Variants in NR6A1 observed in about 807,000 individuals in gnomAD.
NR6A1 encodes the protein retinoic acid receptor-related testis-associated receptor.
Under a neutral mutation model 59.1 loss-of-function variants are expected in NR6A1, and 7 were observed. The observed-to-expected ratio is 0.12, with a 90% CI of 0.07 to 0.22. The LOEUF is 0.22. Ranked by LOEUF, NR6A1 falls within the 10% of genes least tolerant of loss-of-function variation. NR6A1 has a pLI of 1.00. For synonymous variants in NR6A1, 243 were observed against 236.1 expected, an observed-to-expected ratio of 1.03 and a Z score of -0.27; for missense variants, 468 against 611.6, an observed-to-expected ratio of 0.77 and a Z score of 2.48.
intron 2 of NR6A1, among the ~76,000 whole-genome samples, chr9:124,660,157 G>C (rs1385370264): frequency 6.6e-6 from 1 of 152,162 alleles, no homozygotes; most frequent in Non-Finnish European, 1.5e-5. Context: ...ACTTTAAAGA[G>C]AAAATAACAG....
intron 1 of NR6A1, among the ~76,000 whole-genome samples, chr9:124,765,163 C>T (rs898571779): frequency 2.6e-5 from 4 of 152,050 alleles, no homozygotes; most frequent in Non-Finnish European, 4.4e-5. Flanking sequence ...CGTAAGAATC[C>T]GTGATTCTGT....
At chr9:124,600,816 C>T (rs1835424247) in intron 2 of NR6A1, among the ~76,000 whole-genome samples, 1 of 152,036 alleles carries the variant, frequency 6.6e-6, no homozygotes, top group South Asian at 2.1e-4. Flanking sequence ...TTGGGCTGAA[C>T]CTTGAAGTTC....
chr9:124,601,067 G>A (rs956697508), intron 2 of NR6A1, among the ~76,000 whole-genome samples: 22 of 151,418 alleles, frequency 1.5e-4, no homozygotes, highest in Non-Finnish European at 2.4e-4. Flanking sequence ...CCTGAGGTCA[G>A]AAGTTCAAAA....
intron 7 of NR6A1, 150 bp from the exon 8 acceptor site, chr9:124,527,050 C>G: frequency 1.1e-6 from 1 of 936,052 alleles, no homozygotes; most frequent in Non-Finnish European, 1.6e-6. Flanking sequence ...CAGATCCATG[C>G]TTTGTCTACA....
chr9:124,579,988 C>T (rs569250231), intron 2 of NR6A1, among the ~76,000 whole-genome samples: 2 of 152,260 alleles, frequency 1.3e-5, no homozygotes, highest in South Asian at 4.1e-4. Flanking sequence ...CCAGCCTGGA[C>T]AACAAGAACT....
chr9:124,631,636 C>T (rs957115348), intron 2 of NR6A1, among the ~76,000 whole-genome samples: 19 of 152,282 alleles, frequency 1.2e-4, no homozygotes, highest in African/African-American at 4.6e-4. Flanking sequence ...AAAATCTATT[C>T]AATTCCAGCA....
chr9:124,537,243 C>T (rs755462414), intron 6 of NR6A1, among the ~76,000 whole-genome samples: 5 of 152,164 alleles, frequency 3.3e-5, no homozygotes, highest in Admixed American at 2.0e-4. Flanking sequence ...GCGTGTGCCA[C>T]CACACCCAGC....
At position 124,647,724 on chromosome 9, in the gene NR6A1, CAA is replaced by C. The variant is rs35591437; in HGVS notation, c.142+85582_142+85583del. Among the ~76,000 whole-genome samples the C allele has an allele frequency of 1.4e-3, 80 of 56,054 alleles. 1 individual carries two copies. The South Asian group carries it at 0.04, about 28-fold the overall frequency. The allele number at this position is 56,054 out of a possible 152,430, so 36.8% of individuals were successfully genotyped here. ...CCTGGGCAACAGAGTGAGACCGTCT[CAA>C]AAAAAAAAAAAAAAAGAAAGAAAGA... On this transcript the variant is annotated intron_variant, in intron 2 of 9. Transcript: ENST00000487099.
intron 1 of NR6A1, among the ~76,000 whole-genome samples, chr9:124,756,725 T>C (rs1476159029): frequency 6.6e-6 from 1 of 152,198 alleles, no homozygotes; most frequent in Non-Finnish European, 1.5e-5. Flanking sequence ...TAATTTCTAT[T>C]CACACTCAGG....
chr9:124,749,837 G>A (rs781419637), intron 1 of NR6A1, among the ~76,000 whole-genome samples: 23 of 152,178 alleles, frequency 1.5e-4, no homozygotes, highest in Non-Finnish European at 3.2e-4. Context: ...AGGCTTAGAA[G>A]TTCCTCTTCT....
intron 2 of NR6A1, among the ~76,000 whole-genome samples, chr9:124,641,903 T>C (rs778157966): frequency 2.0e-5 from 3 of 152,218 alleles, no homozygotes; most frequent in Non-Finnish European, 2.9e-5. Flanking sequence ...AGGGATCAGA[T>C]AGGAGCTCAC....
chr9:124,553,549 C>CTTTTTT (rs780925768), intron 3 of NR6A1, among the ~76,000 whole-genome samples: 13 of 47,312 alleles, frequency 2.7e-4, no homozygotes, highest in Non-Finnish European at 3.6e-4. Context: ...TTTAGCTTGA[C>CTTTTTT]TTTTTTTTTT....
chr9:124,632,181 G>C (rs1836465450), intron 2 of NR6A1, among the ~76,000 whole-genome samples: 1 of 152,134 alleles, frequency 6.6e-6, no homozygotes, highest in Non-Finnish European at 1.5e-5. Context: ...TTGGAAATAT[G>C]CCCAGTAATG....
intron 2 of NR6A1, among the ~76,000 whole-genome samples, chr9:124,569,097 A>G (rs1834364665): frequency 6.6e-6 from 1 of 152,074 alleles, no homozygotes. Flanking sequence ...TGGGTGACAG[A>G]GCAAGACTCC....
chr9:124,560,283 T>C (rs1037314735), intron 2 of NR6A1, among the ~76,000 whole-genome samples: 2 of 152,190 alleles, frequency 1.3e-5, no homozygotes, highest in Non-Finnish European at 2.9e-5. Context: ...AACCCAAGGG[T>C]AGGACTTTAC....
intron 2 of NR6A1, among the ~76,000 whole-genome samples, chr9:124,727,682 T>C (rs1179103926): frequency 6.6e-6 from 1 of 151,898 alleles, no homozygotes; most frequent in Admixed American, 6.6e-5. Flanking sequence ...TTTTAATGAC[T>C]TTATTTATTT....
rs138312636 is a variant in NR6A1, at chr9:124,581,233, T to C, written c.143-26663A>G. Among the ~76,000 whole-genome samples, 970 of 152,214 alleles carry C rather than the reference T, an allele frequency of 6.4e-3. 13 individuals are homozygous for C. The highest frequency in any genetic ancestry group is 0.021 in the African/African-American group (890 of 41,528). On this transcript the variant is annotated intron_variant, in intron 2 of 9. Transcript: ENST00000487099. ...TTCATGATGAAGATGCCAAAAACAA[T>C]TGTAACAAAAGCAAAAATTGACAAA...
At chr9:124,659,482 C>T (rs936757892) in intron 2 of NR6A1, among the ~76,000 whole-genome samples, 1 of 152,086 alleles carries the variant, frequency 6.6e-6, no homozygotes, top group South Asian at 2.1e-4. Context: ...CAGAAAATAC[C>T]GGGAACTGGA....
At chr9:124,596,189 T>TC (rs1835266318) in intron 2 of NR6A1, among the ~76,000 whole-genome samples, 2 of 152,308 alleles carry the variant, frequency 1.3e-5, no homozygotes, top group Non-Finnish European at 2.9e-5. Context: ...TTCTTTTTTT[T>TC]CAAGAACTAT....
Sources: allele counts gnomAD v4.1 joint callset (sites outside exome capture counted in the v4.1 genomes callset), GRCh38; gene constraint gnomAD v4.1.1; transcripts MANE v1.5; gene names NCBI Gene and HGNC (gene_info 2026-07-23, HGNC 2026-07-21).